THAP8: variants seen among roughly 807,000 people sequenced by gnomAD.
The protein encoded by THAP8 is THAP domain-containing protein 8.
Under a neutral mutation model 25.0 loss-of-function variants are expected in THAP8, and 24 were observed. The observed-to-expected ratio is 0.96, with a 90% CI of 0.69 to 1.35. The LOEUF is 1.35. Among genes scored for constraint, THAP8 ranks in the 40% most tolerant of loss-of-function variants. The probability of loss-of-function intolerance (pLI) is 0.00; values close to 1 mark genes in which losing one functional copy is unlikely to be tolerated. For synonymous variants in THAP8, 169 were observed against 157.6 expected, an observed-to-expected ratio of 1.07 and a Z score of -0.54; for missense variants, 399 against 368.8, an observed-to-expected ratio of 1.08 and a Z score of -0.67.
intron 1 of THAP8, among the ~76,000 whole-genome samples, chr19:36,046,845 T>C (rs1315519478): frequency 6.6e-6 from 1 of 152,200 alleles, no homozygotes; most frequent in Non-Finnish European, 1.5e-5. Flanking sequence ...CAGGATCCTT[T>C]GCAGCTGGCT....
At chr19:36,036,434 A>G in intron 3 of THAP8, among the ~76,000 whole-genome samples, 1 of 151,934 alleles carries the variant, frequency 6.6e-6, no homozygotes, top group Non-Finnish European at 1.5e-5. Flanking sequence ...ACACTTGGCT[A>G]ATTTTTTGTG....
intron 1 of THAP8, among the ~76,000 whole-genome samples, chr19:36,052,350 C>T (rs575837716): frequency 3.9e-5 from 6 of 152,266 alleles, no homozygotes; most frequent in South Asian, 2.1e-4. Context: ...GCCAGTTGCC[C>T]GCTTTTTATG....
chr19:36,054,571 C>A (rs1970235870), upstream of THAP8: 1 of 545,802 alleles, frequency 1.8e-6, no homozygotes, highest in Non-Finnish European at 3.3e-6. Context: ...CTTACGGCTC[C>A]ACCCTACGCC....
At chr19:36,046,525 G>T (rs1240099809) in intron 1 of THAP8, among the ~76,000 whole-genome samples, 1 of 152,120 alleles carries the variant, frequency 6.6e-6, no homozygotes, top group Non-Finnish European at 1.5e-5. Flanking sequence ...GGTAGCTGGT[G>T]AAAGAGCACA....
chr19:36,045,157 G>A lies in THAP8; in HGVS notation c.84-5021C>T, dbSNP rs543263104. Among the ~76,000 whole-genome samples, 313 of 152,078 alleles carry A rather than the reference G, an allele frequency of 2.1e-3. 4 individuals carry two copies. The highest frequency in any genetic ancestry group is 7.3e-3 in the African/African-American group (303 of 41,490). On this transcript the variant is annotated intron_variant, in intron 1 of 3. Transcript: ENST00000292894. The stretch of plus-strand genomic sequence containing the variant: ...GGCTGGAGTGCAGCGGCGCAATCTC[G>A]GCTCACTGCAAGCTCCGCCTGCCAG...
upstream of THAP8, chr19:36,054,599 TG>T: frequency 1.9e-6 from 1 of 540,080 alleles, no homozygotes; most frequent in Non-Finnish European, 3.3e-6. Flanking sequence ...GGGCAACCGT[TG>T]GGGCGCACAT....
chr19:36,048,633 G>C (rs1310007779), intron 1 of THAP8, among the ~76,000 whole-genome samples: 1 of 151,780 alleles, frequency 6.6e-6, no homozygotes, highest in African/African-American at 2.4e-5. Context: ...CCAAAGTGCT[G>C]GGATTACAGG....
At chr19:36,048,856 ACAAAAAAAC>A (rs1391946588) in intron 1 of THAP8, among the ~76,000 whole-genome samples, 3 of 129,780 alleles carry the variant, frequency 2.3e-5, no homozygotes, top group African/African-American at 8.8e-5. Flanking sequence ...AAAAAAAAAA[ACAAAAAAAC>A]AAAAAACACC....
At chr19:36,053,869 G>A (rs1270290288) in intron 1 of THAP8, among the ~76,000 whole-genome samples, 4 of 152,126 alleles carry the variant, frequency 2.6e-5, no homozygotes, top group African/African-American at 7.2e-5. Flanking sequence ...CTCTCTAACA[G>A]CCTGCACCGA....
chr19:36,039,740 G>A (rs945033442), intron 2 of THAP8, 22 bp from the exon 3 acceptor site: 1 of 1,497,400 alleles, frequency 6.7e-7, no homozygotes, highest in African/African-American at 1.4e-5. Context: ...GGCATGGGGT[G>A]CAGGGGTGCC....
At chr19:36,043,368 CAG>C (rs1300476006) in intron 1 of THAP8, among the ~76,000 whole-genome samples, 2 of 152,052 alleles carry the variant, frequency 1.3e-5, no homozygotes, top group African/African-American at 4.8e-5. Context: ...TAGAGACAGA[CAG>C]TGGAATGGTG....
Position 36,039,675 on chromosome 19 carries a change from G to C in THAP8, c.320C>G (p.Pro107Arg), listed in dbSNP as rs375640594. 6.6e-7 allele frequency: 1 copy of C among 1,525,762 alleles called. No individual in the cohort carries two copies. Among genetic ancestry groups the C allele is most frequent in the South Asian group, 1.3e-5 (1 of 79,510 alleles). 94.5% of individuals were successfully genotyped at this position (1,525,762 alleles called of 1,614,324 possible). The change falls in exon 3 of 4, where the codon CCG becomes CGG. Residue 107 changes from proline to arginine, a missense_variant. Coordinates refer to ENST00000292894, the MANE Select transcript of THAP8 (RefSeq NM_152658.3). Reference protein sequence around the residue: ...TRSTQKPVSPPPPLQKNTPLP... With the variant: ...TRSTQKPVSPRPPLQKNTPLP... ...GGGTGTATTCTTCTGTAGGGGAGGC[G>C]GCGGCGAGACTGGCTTCTGGGTGCT...
chr19:36,039,950 A>C lies in THAP8; in HGVS notation c.270T>G (p.Pro90=). 6.2e-7 allele frequency: 1 copy of C among 1,612,790 alleles called. No individual in the cohort carries two copies. Among genetic ancestry groups the C allele is most frequent in the Non-Finnish European group, 8.5e-7 (1 of 1,179,884 alleles). ...AVPSIFSRGP[P]AKSQRRTRST... ...AGGACCTCCCAGCGCTCACCTTGGC[A>C]GGTGGTCCCCGGGAGAAGATGGAGG... The change falls in exon 2 of 4, where the codon CCT becomes CCG. Residue 90 remains proline (P), a synonymous_variant. Coordinates refer to ENST00000292894, the MANE Select transcript of THAP8 (RefSeq NM_152658.3).
upstream of THAP8, chr19:36,054,585 A>T: frequency 1.9e-6 from 1 of 537,358 alleles, no homozygotes; most frequent in South Asian, 2.1e-5. Flanking sequence ...CTACGCCTAC[A>T]TCCGGGCAAC....
Position 36,040,053 on chromosome 19 carries a change from T to C in THAP8, c.167A>G (p.His56Arg). 14 of 1,613,666 alleles carry C rather than the reference T, an allele frequency of 8.7e-6. No homozygotes were observed. The highest frequency in any genetic ancestry group is 1.1e-5 in the Non-Finnish European group (13 of 1,179,840). ...GGGTGTGAAGTGCTCGCTGCACAAG[T>C]GCTGGTGGCAGCTGGGCACCCAGTG... ...CEHWVPSCHQ[H>R]LCSEHFTPSC... Residue 56 changes from histidine (H) to arginine (R), a missense_variant, in exon 2 of 4, where the codon CAC becomes CGC. Physicochemically the swap from His to Arg is conservative, Grantham distance 29. Transcript: ENST00000292894.
chr19:36,054,605 G>C (rs1179574334), upstream of THAP8: 1 of 540,866 alleles, frequency 1.8e-6, no homozygotes, highest in Non-Finnish European at 3.3e-6. Context: ...CCGTTGGGGC[G>C]CACATAGTTC....
chr19:36,041,733 A>C (rs1969698768), intron 1 of THAP8, among the ~76,000 whole-genome samples: 1 of 152,226 alleles, frequency 6.6e-6, no homozygotes, highest in African/African-American at 2.4e-5. Context: ...ACGCAGTATC[A>C]GAACCCTGAT....
In THAP8 at chr19:36,050,057, A is replaced by AC. The variant is rs1157216476; in HGVS notation, c.83+4077_83+4078insG. On this transcript the variant is annotated intron_variant, in intron 1 of 3. Transcript: ENST00000292894. ...CGGCAGAGCAAGACCCTGTCTCAAA[A>AC]AAAAAAAAAAAAAAAAGATGATGGC... 9.4e-3 allele frequency among the ~76,000 whole-genome samples: 1,418 copies of AC among 151,398 alleles called. 8 individuals carry two copies. The highest frequency in any genetic ancestry group is 0.038 in the South Asian group (184 of 4,794).
intron 3 of THAP8, among the ~76,000 whole-genome samples, chr19:36,038,398 A>G (rs909704143): frequency 6.6e-6 from 1 of 151,840 alleles, no homozygotes; most frequent in Non-Finnish European, 1.5e-5. Flanking sequence ...AGTAGCTGGG[A>G]CCACATGTGC....
Sources: allele counts gnomAD v4.1 joint callset (sites outside exome capture counted in the v4.1 genomes callset), GRCh38; gene constraint gnomAD v4.1.1; transcripts MANE v1.5; gene names NCBI Gene and HGNC (gene_info 2026-07-23, HGNC 2026-07-21).